GRM8: variants seen among roughly 807,000 people sequenced by gnomAD.
The protein encoded by GRM8 is glutamate metabotropic receptor 8.
GRM8 carries 47 observed loss-of-function variants against 87.2 expected under a neutral mutation model. The ratio of observed to expected loss-of-function variants is 0.54; its 90% CI spans 0.43 to 0.69. GRM8 has a LOEUF of 0.69. Among genes scored for constraint, GRM8 ranks in the 30% least tolerant of loss-of-function variants. GRM8 has a pLI of 0.00. For synonymous variants in GRM8, 396 were observed against 404.5 expected (o/e 0.98, Z 0.25); for missense variants, 1,019 against 1,139.2 (o/e 0.89, Z 1.52).
intron 1 of GRM8, among the ~76,000 whole-genome samples, chr7:127,251,602 A>T (rs1582260): frequency 6.6e-6 from 1 of 151,468 alleles, no homozygotes; most frequent in Admixed American, 6.6e-5. Flanking sequence ...GGCCGTGGGG[A>T]GAGCGCCAGG....
At chr7:126,810,327 A>G (rs1340652065) in intron 6 of GRM8, among the ~76,000 whole-genome samples, 3 of 152,128 alleles carry the variant, frequency 2.0e-5, no homozygotes, top group Non-Finnish European at 4.4e-5. Flanking sequence ...CTTAACTACA[A>G]AAAGCTCTTT....
In GRM8 at chr7:126,982,719, T is replaced by C. The variant is rs188446752; in HGVS notation, c.728-78036A>G. Among the ~76,000 whole-genome samples the C allele has an allele frequency of 7.9e-5, 12 of 152,352 alleles. No individual in the cohort carries two copies. The East Asian group carries it at 2.3e-3, about 29-fold the overall frequency. Reference sequence around the variant, plus strand: ...GGAAGAAATATGACAATTACAGTCCTCATTTCTGCAACTGGTCACGTGGTC... The same window carrying C: ...GGAAGAAATATGACAATTACAGTCCCCATTTCTGCAACTGGTCACGTGGTC... On this transcript the variant is annotated intron_variant, in intron 3 of 10. Transcript: ENST00000339582.
In GRM8 at chr7:127,189,271, A is replaced by T. The variant is rs566987163; in HGVS notation, c.510+53424T>A. Among the ~76,000 whole-genome samples the T allele has an allele frequency of 6.6e-5, 10 of 152,330 alleles. No individual in the cohort carries two copies. The East Asian group carries it at 1.5e-3, about 23-fold the overall frequency. On this transcript the variant is annotated intron_variant, in intron 2 of 10. Coordinates refer to ENST00000339582, the MANE Select transcript of GRM8 (RefSeq NM_000845.3). ...GCTGCTGGTGATGCTTTCTGTAAAC[A>T]GTAATTCTCAAGTGCCTTATTGTGA...
intron 2 of GRM8, among the ~76,000 whole-genome samples, chr7:127,143,402 A>G (rs1190136532): frequency 6.6e-6 from 1 of 152,156 alleles, no homozygotes; most frequent in African/African-American, 2.4e-5. Context: ...AGATATCCTA[A>G]TAAGTATTAA....
intron 7 of GRM8, among the ~76,000 whole-genome samples, chr7:126,769,386 T>C (rs1818578914): frequency 6.6e-6 from 1 of 152,030 alleles, no homozygotes; most frequent in African/African-American, 2.4e-5. Context: ...GAGAAAAATA[T>C]AAGGAAACAG....
intron 7 of GRM8, among the ~76,000 whole-genome samples, chr7:126,653,376 A>C (rs927876262): frequency 8.6e-5 from 13 of 151,642 alleles, no homozygotes; most frequent in Admixed American, 8.6e-4. Context: ...AGGGGGATTC[A>C]TTCAAACCAT....
chr7:126,735,291 G>A (rs1005591667), intron 7 of GRM8, among the ~76,000 whole-genome samples: 7 of 152,092 alleles, frequency 4.6e-5, no homozygotes, highest in Middle Eastern at 6.8e-3. Context: ...GCAAAGTAAT[G>A]AACAGGCAAT....
chr7:126,595,719 T>C (rs887963644), intron 8 of GRM8, among the ~76,000 whole-genome samples: 1 of 152,170 alleles, frequency 6.6e-6, no homozygotes, highest in Non-Finnish European at 1.5e-5. Flanking sequence ...TATTCCATGA[T>C]GTATACGTAC....
chr7:126,831,492 G>C (rs1795366645), intron 6 of GRM8, among the ~76,000 whole-genome samples: 1 of 152,214 alleles, frequency 6.6e-6, no homozygotes, highest in South Asian at 2.1e-4. Flanking sequence ...GTGGGCGTAG[G>C]ACACTCTGAG....
chr7:127,072,466 A>AT (rs770934862), intron 3 of GRM8, among the ~76,000 whole-genome samples: 39 of 151,642 alleles, frequency 2.6e-4, no homozygotes, highest in Middle Eastern at 3.4e-3. Context: ...GTGTTTGTGG[A>AT]TTTTTTTTTC....
intron 3 of GRM8, among the ~76,000 whole-genome samples, chr7:126,937,945 G>C (rs1291956528): frequency 6.6e-6 from 1 of 152,272 alleles, no homozygotes; most frequent in African/African-American, 2.4e-5. Context: ...ATACTTAGAT[G>C]CTAGGGAGAC....
At chr7:126,929,526 C>T (rs557184947) in intron 3 of GRM8, among the ~76,000 whole-genome samples, 7 of 152,122 alleles carry the variant, frequency 4.6e-5, no homozygotes, top group Non-Finnish European at 7.4e-5. Context: ...CTCCACCTCC[C>T]GGGGTCAAGC....
At chr7:126,649,991 C>T (rs1803624671) in intron 7 of GRM8, among the ~76,000 whole-genome samples, 1 of 152,186 alleles carries the variant, frequency 6.6e-6, no homozygotes, top group South Asian at 2.1e-4. Context: ...CAAGGCTCTG[C>T]CATCTCCTGC....
chr7:126,539,353 A>G (rs1296012536), intron 8 of GRM8, among the ~76,000 whole-genome samples: 1 of 152,092 alleles, frequency 6.6e-6, no homozygotes, highest in African/African-American at 2.4e-5. Flanking sequence ...TTGCTAAGAT[A>G]GCAATATTTC....
At chr7:127,075,743 G>A (rs952810341) in intron 3 of GRM8, among the ~76,000 whole-genome samples, 1 of 152,102 alleles carries the variant, frequency 6.6e-6, no homozygotes, top group Non-Finnish European at 1.5e-5. Context: ...TATTGGGGGA[G>A]GGAGAGGAAG....
chr7:126,849,940 A>G (rs1371616948), intron 6 of GRM8, among the ~76,000 whole-genome samples: 1 of 152,182 alleles, frequency 6.6e-6, no homozygotes, highest in Non-Finnish European at 1.5e-5. Context: ...TTGTCCAATC[A>G]GTATAGAAAA....
intron 7 of GRM8, among the ~76,000 whole-genome samples, chr7:126,710,285 G>A (rs1810971235): frequency 6.6e-6 from 1 of 152,130 alleles, no homozygotes; most frequent in African/African-American, 2.4e-5. Flanking sequence ...TTTCATAAAC[G>A]AGACAACAAT....
intron 7 of GRM8, among the ~76,000 whole-genome samples, chr7:126,664,732 G>T (rs2151289915): frequency 6.6e-6 from 1 of 152,076 alleles, no homozygotes; most frequent in Admixed American, 6.5e-5. Flanking sequence ...ATATGAGTAA[G>T]TCCTCAAAGG....
In GRM8 at chr7:126,609,428, A is replaced by G; in HGVS notation, c.1428T>C (p.Tyr476=). The change falls in exon 8 of 11, where the codon TAT becomes TAC. Residue 476 remains tyrosine, a synonymous_variant. Coordinates refer to ENST00000339582, the MANE Select transcript of GRM8 (RefSeq NM_000845.3). Reference sequence around the variant, plus strand: ...ACTCTGTGCTTTTGTTGGTTATTTGATACTGGAAGATATCATAACGTCCAG... The same window carrying G: ...ACTCTGTGCTTTTGTTGGTTATTTGGTACTGGAAGATATCATAACGTCCAG... ...DAPGRYDIFQ[Y]QITNKSTEYK... 6.2e-7 allele frequency: 1 copy of G among 1,612,340 alleles called. No homozygotes were observed.
Sources: allele counts gnomAD v4.1 joint callset (sites outside exome capture counted in the v4.1 genomes callset), GRCh38; gene constraint gnomAD v4.1.1; transcripts MANE v1.5; gene names NCBI Gene and HGNC (gene_info 2026-07-23, HGNC 2026-07-21).